Variants in ZNF521 observed in about 807,000 individuals in gnomAD.
ZNF521 encodes LYST-interacting protein 3.
A neutral mutation model predicts 105.5 loss-of-function variants in ZNF521; 14 were observed. That is an observed-to-expected ratio of 0.13 (90% confidence interval 0.09 to 0.21). The LOEUF (loss-of-function observed/expected upper bound fraction) is 0.21. ZNF521 is among the 10% of genes least tolerant of loss of function. The probability of loss-of-function intolerance (pLI) is 1.00; values close to 1 mark genes in which losing one functional copy is unlikely to be tolerated. For missense variants in ZNF521, 1,233 were observed against 1,629.7 expected, an observed-to-expected ratio of 0.76 and a Z score of 4.19; for synonymous variants, 635 against 606.0, an observed-to-expected ratio of 1.05 and a Z score of -0.70.
chr18:25,277,028 CA>C (rs1160081539), intron 3 of ZNF521, among the ~76,000 whole-genome samples: 1 of 151,944 alleles, frequency 6.6e-6, no homozygotes, highest in Non-Finnish European at 1.5e-5. Context: ...ACTAAAAATA[CA>C]AAAATTAGCC....
chr18:25,235,632 G>A (rs1352423228), intron 3 of ZNF521, among the ~76,000 whole-genome samples: 7 of 152,158 alleles, frequency 4.6e-5, no homozygotes, highest in Non-Finnish European at 1.0e-4. Flanking sequence ...GTCCAAGGCC[G>A]GAAAACTTTC....
chr18:25,177,240 C>T (rs79755066), intron 5 of ZNF521, among the ~76,000 whole-genome samples: 1,996 of 152,162 alleles, frequency 0.013, 41 homozygotes, highest in African/African-American at 0.046. Flanking sequence ...TTTCCCTGAA[C>T]TGAAGAGATC....
intron 4 of ZNF521, 107 bp from the exon 5 acceptor site, chr18:25,195,351 G>A (rs2144635214): frequency 1.1e-6 from 1 of 895,502 alleles, no homozygotes; most frequent in Non-Finnish European, 1.7e-6. Context: ...TGTTGCTAAG[G>A]AACAAACTAA....
At chr18:25,292,609 A>G (rs1425336064) in intron 3 of ZNF521, among the ~76,000 whole-genome samples, 1 of 152,126 alleles carries the variant, frequency 6.6e-6, no homozygotes, top group Non-Finnish European at 1.5e-5. Context: ...TAAGAAATAC[A>G]AGATATAGTA....
At chr18:25,085,653 ATGTGTG>A (rs10569576) in intron 7 of ZNF521, among the ~76,000 whole-genome samples, 9,627 of 144,288 alleles carry the variant, frequency 0.067, 352 homozygotes, top group Middle Eastern at 0.079. Flanking sequence ...CCATATATAT[ATGTGTG>A]TGTGTGTGTG....
chr18:25,247,625 A>G (rs1907821974), intron 3 of ZNF521, among the ~76,000 whole-genome samples: 1 of 152,196 alleles, frequency 6.6e-6, no homozygotes, highest in African/African-American at 2.4e-5. Flanking sequence ...GGACTAGAAC[A>G]TAGAATTTGT....
At chr18:25,082,182 T>C (rs1392568354) in intron 7 of ZNF521, among the ~76,000 whole-genome samples, 4 of 152,168 alleles carry the variant, frequency 2.6e-5, no homozygotes, top group African/African-American at 7.2e-5. Flanking sequence ...ATGTATGAAA[T>C]GGACCAGTTC....
intron 4 of ZNF521, among the ~76,000 whole-genome samples, chr18:25,220,396 G>C (rs139518136): frequency 1.3e-5 from 2 of 152,270 alleles, no homozygotes; most frequent in African/African-American, 4.8e-5. Context: ...CAGGAGTACC[G>C]AGAGGATGCT....
chr18:25,226,045 C>T lies in ZNF521; in HGVS notation c.1873G>A (p.Gly625Ser). 6.2e-7 allele frequency: 1 copy of T among 1,614,144 alleles called. No homozygotes were observed. ...TCTCCAGTGGGACGTGCAGGTGCAC[C>T]TCCTACTGCCTGCATCATCTTAAGA... Reference protein sequence around the residue: ...TSLKMMQAVGGAPARPTGEYI... With the variant: ...TSLKMMQAVGSAPARPTGEYI... Residue 625 changes from glycine to serine, a missense_variant, in exon 4 of 8, where the codon GGT becomes AGT. Gly to Ser is a moderately conservative substitution (Grantham distance 56). Coordinates refer to ENST00000361524, the MANE Select transcript of ZNF521 (RefSeq NM_015461.3). This position sits in a 1 kb window ranked among gnomAD's most constrained non-coding sequence, Gnocchi z 4.1.
intron 5 of ZNF521, among the ~76,000 whole-genome samples, chr18:25,161,159 T>A (rs1834469310): frequency 6.6e-6 from 1 of 152,138 alleles, no homozygotes; most frequent in Admixed American, 6.5e-5. Flanking sequence ...TCCTAGTACG[T>A]CACACTCCCT....
At chr18:25,174,534 C>T (rs1424630752) in intron 5 of ZNF521, among the ~76,000 whole-genome samples, 3 of 152,182 alleles carry the variant, frequency 2.0e-5, no homozygotes, top group African/African-American at 7.2e-5. Flanking sequence ...TTCAGGGAGT[C>T]CTTGGAGGCC....
At chr18:25,079,160 C>T (rs1330726118) in intron 7 of ZNF521, among the ~76,000 whole-genome samples, 2 of 152,206 alleles carry the variant, frequency 1.3e-5, no homozygotes, top group Admixed American at 6.5e-5. Flanking sequence ...GGCGCCAGTG[C>T]GTGGGGTCTG....
chr18:25,322,288 G>C (rs1415095203), intron 2 of ZNF521, 101 bp from the exon 3 acceptor site: 1 of 1,223,704 alleles, frequency 8.2e-7, no homozygotes, highest in South Asian at 1.2e-5. Flanking sequence ...CATTTTCCTT[G>C]AAGTTGCAAT....
At chr18:25,159,010 A>C (rs1384343303) in intron 5 of ZNF521, among the ~76,000 whole-genome samples, 2 of 152,034 alleles carry the variant, frequency 1.3e-5, no homozygotes, top group African/African-American at 4.8e-5. Context: ...AGAAGGAAAC[A>C]TCCAGCAAAC....
chr18:25,228,560 C>T (rs190273213), intron 3 of ZNF521, among the ~76,000 whole-genome samples: 33 of 152,296 alleles, frequency 2.2e-4, no homozygotes, highest in African/African-American at 7.7e-4. Flanking sequence ...CTTCAGCAGC[C>T]TGAACTTCCT....
At chr18:25,348,210 TCTGG>T (rs1274115590) in intron 2 of ZNF521, among the ~76,000 whole-genome samples, 2 of 152,132 alleles carry the variant, frequency 1.3e-5, no homozygotes, top group Non-Finnish European at 2.9e-5. Context: ...ATAACACCTC[TCTGG>T]CTTTTCTATG....
In ZNF521 at chr18:25,100,527, C is replaced by T. The variant is rs537987094; in HGVS notation, c.3659-8446G>A. ...AAGGGGGCCAAAATCTCTCTAATTT[C>T]CAAGGGGCTCAATCCTGCTCCTTTC... On this transcript the variant is annotated intron_variant, in intron 5 of 7. Transcript: ENST00000361524. 9.2e-5 allele frequency among the ~76,000 whole-genome samples: 14 copies of T among 152,226 alleles called. No individual in the cohort carries two copies. In the South Asian group the frequency reaches 2.7e-3, roughly 29 times the overall value.
intron 3 of ZNF521, among the ~76,000 whole-genome samples, chr18:25,255,095 T>C (rs1908387333): frequency 1.3e-5 from 2 of 152,148 alleles, no homozygotes; most frequent in Admixed American, 6.6e-5. Context: ...GCAAAGTAAA[T>C]ATAAAGCGTT....
At chr18:25,116,900 T>C (rs912053664) in intron 5 of ZNF521, among the ~76,000 whole-genome samples, 24 of 136,206 alleles carry the variant, frequency 1.8e-4, no homozygotes, top group African/African-American at 6.3e-4. Context: ...TATATATATA[T>C]GTGTATATAT....
Sources: allele counts gnomAD v4.1 joint callset (sites outside exome capture counted in the v4.1 genomes callset), GRCh38; gene constraint gnomAD v4.1.1; non-coding constraint Gnocchi (gnomAD v3.1); transcripts MANE v1.5; gene names NCBI Gene and HGNC (gene_info 2026-07-23, HGNC 2026-07-21).